IKBKE: variants seen among roughly 807,000 people sequenced by gnomAD.
IKBKE encodes the protein inhibitor of nuclear factor kappa-B kinase subunit epsilon.
Under a neutral mutation model 92.1 loss-of-function variants are expected in IKBKE, and 45 were observed. That is an observed-to-expected ratio of 0.49 (90% CI 0.38 to 0.63). IKBKE has a LOEUF of 0.63. Ranked by LOEUF, IKBKE falls within the 20% of genes least tolerant of loss-of-function variation. The probability of loss-of-function intolerance (pLI) is 0.00; values close to 1 mark genes in which losing one functional copy is unlikely to be tolerated. For missense variants in IKBKE, 700 were observed against 932.8 expected, an observed-to-expected ratio of 0.75 and a Z score of 3.25; for synonymous variants, 374 against 380.3, an observed-to-expected ratio of 0.98 and a Z score of 0.19.
chr1:206,495,695 G>A (rs1553391936), intron 21 of IKBKE, among the ~76,000 whole-genome samples: 2 of 152,240 alleles, frequency 1.3e-5, no homozygotes, highest in Non-Finnish European at 2.9e-5. Context: ...CTCTTGCTGT[G>A]ATATGTCATC....
chr1:206,477,766 A>G lies in IKBKE; in HGVS notation c.719A>G (p.Glu240Gly). The G allele has an allele frequency of 6.4e-7, 1 of 1,565,168 alleles. No homozygotes were observed. The highest frequency in any genetic ancestry group is 8.7e-7 in the Non-Finnish European group (1 of 1,155,024). ...NKEIMYRITT[E>G]KPAGAIAGAQ... is the part of the protein sequence containing the mutation. ...CCCCGCAGGTACCGGATCACCACGG[A>G]GAAGCCGGCTGGGGCCATTGCAGGT... Residue 240 changes from glutamate to glycine, a missense_variant, in exon 8 of 22, where the codon GAG becomes GGG. By Grantham distance (98) the Glu-to-Gly change is moderately conservative (BLOSUM62 -2). Transcript: ENST00000581977.
rs58971788 is a variant in IKBKE at position 206,494,592 on chromosome 1, C to CTTTTTTTTTT, written c.2117+621_2117+630dup. Among the ~76,000 whole-genome samples, 71 of 63,904 alleles carry CTTTTTTTTTT rather than the reference C, an allele frequency of 1.1e-3. 7 individuals are homozygous for CTTTTTTTTTT. The highest frequency in any genetic ancestry group is 2.5e-3 in the African/African-American group (43 of 17,410). 41.9% of individuals were successfully genotyped at this position (63,904 alleles called of 152,430 possible). A position where few individuals can be genotyped will look rare whatever the true frequency, so the allele number is the denominator to read the frequency against. On this transcript the variant is annotated intron_variant, in intron 21 of 21. Coordinates refer to ENST00000581977, the MANE Select transcript of IKBKE (RefSeq NM_014002.4). The stretch of plus-strand genomic sequence containing the variant: ...TTTTGCATACCAGTAAAAGTTCTTT[C>CTTTTTTTTTT]TTTTTTTTTTTTTTTTTTTTTTTTT...
chr1:206,489,352 T>TGC (rs1665819593), intron 16 of IKBKE, among the ~76,000 whole-genome samples: 1 of 25,096 alleles, frequency 4.0e-5, no homozygotes, highest in Non-Finnish European at 1.2e-4. Flanking sequence ...TATATGTGTG[T>TGC]GTGTGTGTGT....
intron 1 of IKBKE, 80 bp downstream of exon 1, chr1:206,470,778 G>T (rs1664732884): frequency 6.6e-6 from 1 of 152,378 alleles, no homozygotes; most frequent in African/African-American, 2.4e-5. Context: ...GCTCAGCCGG[G>T]TGCAGGGGTG....
At position 206,493,448 on chromosome 1, in the gene IKBKE, G is replaced by T. The variant is rs1666057835; in HGVS notation, c.2045+70G>T. On this transcript the variant is annotated intron_variant, in intron 20 of 21. Coordinates refer to ENST00000581977, the MANE Select transcript of IKBKE (RefSeq NM_014002.4). ...GTTGCAGGGAGCAGAGTATGCTGAG[G>T]TTAGAGCCTGAGGGGTTTGGCGTCA... 2.5e-6 allele frequency: 3 copies of T among 1,198,512 alleles called. No homozygotes were observed. In the South Asian group the frequency reaches 3.7e-5, roughly 15 times the overall value. 74.2% of individuals were successfully genotyped at this position (1,198,512 alleles called of 1,614,324 possible).
At chr1:206,488,416 G>C (rs782453753) in intron 16 of IKBKE, among the ~76,000 whole-genome samples, 4 of 152,146 alleles carry the variant, frequency 2.6e-5, no homozygotes, top group Non-Finnish European at 5.9e-5. Flanking sequence ...GAAAAGGGGG[G>C]GTCAGGAGAA....
chr1:206,491,864 G>A, intron 18 of IKBKE, 115 bp downstream of exon 18: 2 of 716,774 alleles, frequency 2.8e-6, no homozygotes, highest in Admixed American at 4.7e-5. Flanking sequence ...GTGAAGGGGT[G>A]TGAGCAGAGG....
At chr1:206,492,821 A>G (rs1666021967) in intron 18 of IKBKE, 1 of 681,158 alleles carries the variant, frequency 1.5e-6, no homozygotes. Context: ...GGGGCCTCCC[A>G]GCCTCAGCCA....
rs1353393377 is a variant in IKBKE, at chr1:206,478,480, G to A, written c.992+141G>A. The A allele has an allele frequency of 7.0e-6, 6 of 857,262 alleles. No individual in the cohort carries two copies. In the African/African-American group the frequency reaches 1.0e-4, roughly 14 times the overall value. 53.1% of individuals were successfully genotyped at this position (857,262 alleles called of 1,614,324 possible). A position where few individuals can be genotyped will look rare whatever the true frequency, so the allele number is the denominator to read the frequency against. On this transcript the variant is annotated intron_variant, in intron 9 of 21. Coordinates refer to ENST00000581977, the MANE Select transcript of IKBKE (RefSeq NM_014002.4). The surrounding 1 kb of genome is among the most constrained non-coding windows in gnomAD (Gnocchi z 4.8). Reference sequence around the variant, plus strand: ...CCAGGTCCAAACGTAGTTGGGAAAAGACTAGTTCTACAAAGTTAAAGCTAA... The same window carrying A: ...CCAGGTCCAAACGTAGTTGGGAAAAAACTAGTTCTACAAAGTTAAAGCTAA...
intron 18 of IKBKE, chr1:206,492,073 C>A (rs1384820420): frequency 3.1e-6 from 1 of 325,176 alleles, no homozygotes; most frequent in Non-Finnish European, 6.0e-6. Flanking sequence ...TCGTATGTGG[C>A]TCTGCCTGCC....
At chr1:206,477,977 GC>G in intron 8 of IKBKE, 118 bp downstream of exon 8, 1 of 879,896 alleles carries the variant, frequency 1.1e-6, no homozygotes, top group Non-Finnish European at 1.8e-6. Context: ...GCAGGCTTGG[GC>G]ACACCACTTT....
intron 20 of IKBKE, 118 bp from the exon 21 acceptor site, chr1:206,493,802 A>C: frequency 1.4e-6 from 1 of 731,506 alleles, no homozygotes; most frequent in East Asian, 2.7e-5. Flanking sequence ...TAAGCAAACA[A>C]AAAAGAATAA....
At chr1:206,481,533 A>G (rs1346126691) in intron 13 of IKBKE, among the ~76,000 whole-genome samples, 2 of 152,200 alleles carry the variant, frequency 1.3e-5, no homozygotes, top group Non-Finnish European at 2.9e-5. Context: ...AAATGGTGAC[A>G]GAGAGTAGGG....
Position 206,478,347 on chromosome 1 carries a change from G to C in IKBKE, c.992+8G>C. The C allele has an allele frequency of 6.2e-7, 1 of 1,611,410 alleles. No individual in the cohort carries two copies. Among genetic ancestry groups the C allele is most frequent in the Non-Finnish European group, 8.5e-7 (1 of 1,179,706 alleles). ...TATCCATGCCCACAACACGTAAGTG[G>C]GGGCGAGGGAGGGAAGCGGTGAGAA... On this transcript the variant is annotated splice_region_variant and intron_variant, in intron 9 of 21. Coordinates refer to ENST00000581977, the MANE Select transcript of IKBKE (RefSeq NM_014002.4). The surrounding 1 kb of genome is among the most constrained non-coding windows in gnomAD (Gnocchi z 4.8).
Position 206,479,783 on chromosome 1 carries a change from A to G in IKBKE, c.1184-87A>G, listed in dbSNP as rs1216283781. The G allele has an allele frequency of 8.2e-6, 11 of 1,348,904 alleles. No individual in the cohort carries two copies. In the African/African-American group the frequency reaches 1.0e-4, roughly 12 times the overall value. 83.6% of individuals were successfully genotyped at this position (1,348,904 alleles called of 1,614,324 possible). Reference sequence around the variant, plus strand: ...AGCCTGAGGTGGGAGATTGGCAGTGAGGGGTGAGTGTGAGCTGGAAATAAT... The same window carrying G: ...AGCCTGAGGTGGGAGATTGGCAGTGGGGGGTGAGTGTGAGCTGGAAATAAT... On this transcript the variant is annotated intron_variant, in intron 10 of 21. Coordinates refer to ENST00000581977, the MANE Select transcript of IKBKE (RefSeq NM_014002.4).
At chr1:206,489,267 C>A (rs1056385465) in intron 16 of IKBKE, among the ~76,000 whole-genome samples, 15 of 145,858 alleles carry the variant, frequency 1.0e-4, no homozygotes, top group Non-Finnish European at 1.6e-4. Flanking sequence ...ATATATTATT[C>A]ATATATATAT....
chr1:206,493,325 G>A lies in IKBKE; in HGVS notation c.1992G>A (p.Ser664=), dbSNP rs781889366. The change falls in exon 20 of 22, where the codon TCG becomes TCA. Residue 664 remains serine (S), a synonymous_variant. Coordinates refer to ENST00000581977, the MANE Select transcript of IKBKE (RefSeq NM_014002.4). ...LQDRAKGAQA[S]PPPIAPYPSP... Reference sequence around the variant, plus strand: ...ACCGAGCAAAGGGGGCTCAGGCCTCGCCGCCTCCCATAGCTCCTTACCCCA... The same window carrying A: ...ACCGAGCAAAGGGGGCTCAGGCCTCACCGCCTCCCATAGCTCCTTACCCCA... 95 of 1,613,802 alleles carry A rather than the reference G, an allele frequency of 5.9e-5. No individual in the cohort carries two copies. Among genetic ancestry groups the A allele is most frequent in the Non-Finnish European group, 7.8e-5 (92 of 1,179,996 alleles).
chr1:206,488,077 C>T, intron 16 of IKBKE, 87 bp downstream of exon 16: 1 of 963,694 alleles, frequency 1.0e-6, no homozygotes, highest in Non-Finnish European at 1.6e-6. Context: ...CTACCAGTGG[C>T]CACTAACCTC....
At chr1:206,491,514 T>C in intron 17 of IKBKE, 134 bp from the exon 18 acceptor site, 1 of 622,198 alleles carries the variant, frequency 1.6e-6, no homozygotes, top group Admixed American at 2.4e-5. Flanking sequence ...CCCAGAGACA[T>C]AGCCCTGCTG....
Sources: allele counts gnomAD v4.1 joint callset (sites outside exome capture counted in the v4.1 genomes callset), GRCh38; gene constraint gnomAD v4.1.1; non-coding constraint Gnocchi (gnomAD v3.1); transcripts MANE v1.5; gene names NCBI Gene and HGNC (gene_info 2026-07-23, HGNC 2026-07-21).